Variants in TBL1X observed in about 807,000 individuals in gnomAD.
TBL1X encodes F-box-like/WD repeat-containing protein TBL1X.
Under a neutral mutation model 50.7 loss-of-function variants are expected in TBL1X, and 10 were observed. That is an observed-to-expected ratio of 0.20 (90% CI 0.12 to 0.33). The LOEUF is 0.33. Ranked by LOEUF, TBL1X falls within the 10% of genes least tolerant of loss-of-function variation. The pLI, the probability that TBL1X is intolerant of heterozygous loss-of-function variation, is 1.00. For missense variants in TBL1X, 340 were observed against 504.4 expected (o/e 0.67, Z 3.12); for synonymous variants, 190 against 214.7 (o/e 0.88, Z 1.01).
intron 2 of TBL1X, among the ~76,000 whole-genome samples, chrX:9,540,368 T>C (rs1313010008): frequency 1.8e-5 from 2 of 112,168 alleles, no homozygotes; most frequent in Non-Finnish European, 3.8e-5. Flanking sequence ...CTCAACTGTG[T>C]TGAAATTTGT....
At chrX:9,477,627 C>A (rs535205189) in intron 1 of TBL1X, among the ~76,000 whole-genome samples, 1 of 112,147 alleles carries the variant, frequency 8.9e-6, no homozygotes, top group East Asian at 2.8e-4. Flanking sequence ...ACTTAGAACT[C>A]TTGAGTCTGA....
intron 5 of TBL1X, among the ~76,000 whole-genome samples, chrX:9,676,106 G>C (rs1352726846): frequency 8.9e-6 from 1 of 112,034 alleles, no homozygotes; most frequent in Non-Finnish European, 1.9e-5. Context: ...TAAATCTCTG[G>C]TTTAGCATTC....
chrX:9,698,928 G>C (rs963134075), intron 12 of TBL1X, among the ~76,000 whole-genome samples: 1 of 111,634 alleles, frequency 9.0e-6, no homozygotes, highest in Non-Finnish European at 1.9e-5. Context: ...GGAGTCTGTA[G>C]AGATTCCGAT....
chrX:9,646,733 C>T (rs1478664116), intron 3 of TBL1X, among the ~76,000 whole-genome samples: 2 of 112,344 alleles, frequency 1.8e-5, no homozygotes, highest in East Asian at 5.6e-4. Context: ...CACTCACTTT[C>T]TCAGGTGCCT....
At chrX:9,617,993 G>A (rs749252072) in intron 2 of TBL1X, among the ~76,000 whole-genome samples, 7 of 111,364 alleles carry the variant, frequency 6.3e-5, no homozygotes, top group African/African-American at 1.3e-4. Flanking sequence ...GGAGATACCA[G>A]TAGCACCGCC....
intron 2 of TBL1X, among the ~76,000 whole-genome samples, chrX:9,540,937 A>G (rs1183142094): frequency 8.9e-6 from 1 of 111,945 alleles, no homozygotes; most frequent in Admixed American, 9.5e-5. Flanking sequence ...CCGCATTCAT[A>G]TTACCCCAGT....
intron 2 of TBL1X, among the ~76,000 whole-genome samples, chrX:9,527,783 C>T (rs1185934250): frequency 9.1e-6 from 1 of 110,394 alleles, no homozygotes; most frequent in Non-Finnish European, 1.9e-5. Context: ...CCATCACCGC[C>T]ATTCATAACT....
chrX:9,612,761 A>G (rs2082619805), intron 2 of TBL1X, among the ~76,000 whole-genome samples: 1 of 111,304 alleles, frequency 9.0e-6, no homozygotes, highest in Admixed American at 9.6e-5. Flanking sequence ...CCTACGATCC[A>G]CTTATTTCAC....
At chrX:9,496,436 G>T (rs962003760) in intron 1 of TBL1X, among the ~76,000 whole-genome samples, 7 of 112,660 alleles carry the variant, frequency 6.2e-5, no homozygotes, top group African/African-American at 2.3e-4. Flanking sequence ...TGAGAGTCTT[G>T]CCCTCTCCCC....
intron 2 of TBL1X, among the ~76,000 whole-genome samples, chrX:9,620,750 C>T (rs374244335): frequency 9.0e-6 from 1 of 111,620 alleles, no homozygotes; most frequent in African/African-American, 3.3e-5. Flanking sequence ...GCCTACAGTG[C>T]TTTGCCGGCC....
intron 11 of TBL1X, among the ~76,000 whole-genome samples, chrX:9,694,464 G>A (rs563536559): frequency 3.6e-5 from 4 of 110,896 alleles, no homozygotes; most frequent in South Asian, 3.8e-4. Flanking sequence ...GCATGGTGTC[G>A]GGTGCCTGTA....
intron 2 of TBL1X, among the ~76,000 whole-genome samples, chrX:9,615,023 G>A (rs749552598): frequency 2.6e-4 from 29 of 111,711 alleles, no homozygotes; most frequent in African/African-American, 9.1e-4. Context: ...GAAGTCATTC[G>A]CAGCTATAAT....
At chrX:9,595,782 G>A (rs754462928) in intron 2 of TBL1X, among the ~76,000 whole-genome samples, 29 of 112,294 alleles carry the variant, frequency 2.6e-4, no homozygotes, top group African/African-American at 9.4e-4. Flanking sequence ...AACAGTGCCC[G>A]ATTTGCACAG....
intron 2 of TBL1X, among the ~76,000 whole-genome samples, chrX:9,632,384 G>A (rs1422668439): frequency 1.8e-5 from 2 of 111,529 alleles, no homozygotes; most frequent in Non-Finnish European, 3.8e-5. Context: ...GAGTTCAAGC[G>A]ATTCTCGTGC....
intron 4 of TBL1X, 36 bp from the exon 5 acceptor site, chrX:9,654,179 A>G: frequency 8.7e-7 from 1 of 1,152,928 alleles, no homozygotes; most frequent in Non-Finnish European, 1.2e-6. Context: ...GAAAAATACA[A>G]GCAGTGTTTC....
intron 2 of TBL1X, among the ~76,000 whole-genome samples, chrX:9,598,955 T>C (rs948201009): frequency 2.7e-5 from 3 of 109,563 alleles, no homozygotes; most frequent in Non-Finnish European, 5.7e-5. Context: ...TTTTTTGTTT[T>C]TTTTTTTAGA....
chrX:9,493,331 C>T (rs2081956829), intron 1 of TBL1X, among the ~76,000 whole-genome samples: 1 of 111,812 alleles, frequency 8.9e-6, no homozygotes, highest in African/African-American at 3.3e-5. Flanking sequence ...CCTGTTCTCT[C>T]GGCCCACTTG....
At chrX:9,584,490 T>C (rs1248147634) in intron 2 of TBL1X, among the ~76,000 whole-genome samples, 1 of 112,285 alleles carries the variant, frequency 8.9e-6, no homozygotes, top group African/African-American at 3.2e-5. Flanking sequence ...CTATATGGGC[T>C]GGTCTAGGTA....
chrX:9,516,735 G>A (rs545656577), intron 2 of TBL1X, among the ~76,000 whole-genome samples: 1 of 112,002 alleles, frequency 8.9e-6, no homozygotes, highest in Non-Finnish European at 1.9e-5. Context: ...TGGAACGACT[G>A]TCCCCTTCAT....
Sources: gnomAD v4.1 joint callset for allele counts (sites outside exome capture counted in the v4.1 genomes callset) on GRCh38, gnomAD v4.1.1 for gene constraint, MANE v1.5 for transcripts, NCBI Gene and HGNC (gene_info 2026-07-23, HGNC 2026-07-21) for gene names.